The following ZNF654 variants were observed in gnomAD, a reference collection of about 807,000 sequenced individuals.
ZNF654 encodes melanoma-associated antigen.
Under a neutral mutation model 95.3 loss-of-function variants are expected in ZNF654, and 19 were observed. The ratio of observed to expected loss-of-function variants is 0.20; its 90% CI spans 0.14 to 0.29. The LOEUF is 0.29. Among genes scored for constraint, ZNF654 ranks in the 10% least tolerant of loss-of-function variants. ZNF654 has a pLI of 1.00. For synonymous variants in ZNF654, 413 were observed against 457.9 expected (o/e 0.90, Z 1.25); for missense variants, 1,046 against 1,341.0 (o/e 0.78, Z 3.44).
At chr3:88,132,229 T>A (rs1014307428) in intron 6 of ZNF654, among the ~76,000 whole-genome samples, 2 of 152,016 alleles carry the variant, frequency 1.3e-5, no homozygotes, top group African/African-American at 4.8e-5. Context: ...AATAAATGGG[T>A]CAAGTTTGAA....
Position 88,139,311 on chromosome 3 carries a change from A to G in ZNF654, c.1642A>G (p.Met548Val), listed in dbSNP as rs202216157. 5.0e-6 allele frequency: 8 copies of G among 1,595,872 alleles called. No individual in the cohort carries two copies. In the African/African-American group the frequency reaches 1.1e-4, roughly 22 times the overall value. The change falls in exon 8 of 9, where the codon ATG (methionine) becomes GTG (valine). Residue 548 changes from methionine (M) to valine (V), a missense_variant. Transcript: ENST00000636215. Reference protein sequence around the residue: ...VDHNVPRHRCMLCNKEFLGGH... With the variant: ...VDHNVPRHRCVLCNKEFLGGH... ...TCACAATGTCCCAAGGCATCGTTGT[A>G]TGTTATGTAACAAGGAATTTTTAGG...
chr3:88,104,070 G>A (rs1363252742), intron 2 of ZNF654, among the ~76,000 whole-genome samples: 2 of 151,802 alleles, frequency 1.3e-5, no homozygotes, highest in Non-Finnish European at 2.9e-5. Flanking sequence ...CTTTCAGTTC[G>A]AGAAAATATA....
chr3:88,126,257 T>G lies in ZNF654; in HGVS notation c.538T>G (p.Ser180Ala), dbSNP rs1436206422. The change falls in exon 4 of 9, where the codon TCT becomes GCT. Residue 180 changes from serine to alanine, a missense_variant. Physicochemically the swap from Ser to Ala is moderately conservative, Grantham distance 99. Transcript: ENST00000636215. ...AGCTGTCCTTAAAGCTCAGCCAGCA[T>G]CTCAGGAGATAGGTACTTCAGGAGA... ...LQAVLKAQPASQEIVNKYLSS... is the reference protein window; with the variant it reads ...LQAVLKAQPAAQEIVNKYLSS... 6.6e-7 allele frequency: 1 copy of G among 1,515,218 alleles called. No individual in the cohort carries two copies. 93.9% of individuals were successfully genotyped at this position (1,515,218 alleles called of 1,614,324 possible). A position where few individuals can be genotyped will look rare whatever the true frequency, so the allele number is the denominator to read the frequency against.
At chr3:88,124,841 C>T (rs1705992069) in intron 3 of ZNF654, among the ~76,000 whole-genome samples, 1 of 151,628 alleles carries the variant, frequency 6.6e-6, no homozygotes, top group Non-Finnish European at 1.5e-5. Context: ...TCTATTTATG[C>T]ATTTTTGAAA....
intron 1 of ZNF654, among the ~76,000 whole-genome samples, chr3:88,085,399 A>G (rs1221052447): frequency 6.6e-6 from 1 of 152,220 alleles, no homozygotes; most frequent in Non-Finnish European, 1.5e-5. Flanking sequence ...TTTGAATTTC[A>G]TGTAATTTTC....
rs56099925 is a variant in ZNF654 at position 88,141,994 on chromosome 3, A to T, written c.*342A>T. ...GCTATGGCCTTACAGAAAGGGAAAA[A>T]TTAACCCATTATTAAAAAGTGTGTG... On this transcript the variant is annotated 3_prime_UTR_variant, in exon 9 of 9. Transcript: ENST00000636215. The T allele has an allele frequency of 0.79, 153,994 of 195,298 alleles. 61,803 individuals are homozygous for T. The highest frequency in any genetic ancestry group is 0.9 in the South Asian group (5,080 of 5,650). The allele number at this position is 195,298 out of a possible 1,614,324, so 12.1% of individuals were successfully genotyped here.
chr3:88,074,716 A>G (rs1317050050), intron 1 of ZNF654, among the ~76,000 whole-genome samples: 1 of 152,184 alleles, frequency 6.6e-6, no homozygotes, highest in Non-Finnish European at 1.5e-5. Flanking sequence ...AATACCCATT[A>G]AATTTAGAAA....
At chr3:88,096,342 A>G (rs1704057710) in intron 2 of ZNF654, among the ~76,000 whole-genome samples, 1 of 152,112 alleles carries the variant, frequency 6.6e-6, no homozygotes, top group South Asian at 2.1e-4. Context: ...GAGATGGTTG[A>G]TGAGAGGAAG....
chr3:88,143,040 C>T lies in ZNF654; in HGVS notation c.*1388C>T, dbSNP rs572651785. On this transcript the variant is annotated 3_prime_UTR_variant, in exon 9 of 9. Transcript: ENST00000636215. ...AAAAAGGCAGTGTTTCAAAACAGAT[C>T]TCCTAATGTCCCAATGTCAAATATT... 1 of 152,216 alleles carries T rather than the reference C, an allele frequency of 6.6e-6. No homozygotes were observed. The highest frequency in any genetic ancestry group is 1.5e-5 in the Non-Finnish European group (1 of 67,786). The allele number at this position is 152,216 out of a possible 1,614,324, so 9.4% of individuals were successfully genotyped here.
chr3:88,122,724 G>A (rs1262172671), intron 3 of ZNF654, among the ~76,000 whole-genome samples: 1 of 152,014 alleles, frequency 6.6e-6, no homozygotes, highest in South Asian at 2.1e-4. Context: ...AATACAATAT[G>A]TATGGCTGGG....
intron 2 of ZNF654, among the ~76,000 whole-genome samples, chr3:88,088,479 GAAT>G (rs1372374319): frequency 6.6e-6 from 1 of 152,080 alleles, no homozygotes; most frequent in Non-Finnish European, 1.5e-5. Context: ...TGTGTGAAAG[GAAT>G]AATGAGATAT....
chr3:88,109,071 A>G (rs373532461), intron 2 of ZNF654, among the ~76,000 whole-genome samples: 2 of 151,432 alleles, frequency 1.3e-5, no homozygotes, highest in Non-Finnish European at 2.9e-5. Flanking sequence ...GTTAGGTGCT[A>G]TCCGTGGTTT....
intron 2 of ZNF654, among the ~76,000 whole-genome samples, chr3:88,087,581 A>G (rs1326186717): frequency 6.6e-6 from 1 of 152,212 alleles, no homozygotes; most frequent in Non-Finnish European, 1.5e-5. Context: ...GAAAGCAGAT[A>G]GAGGAATGGT....
intron 2 of ZNF654, among the ~76,000 whole-genome samples, chr3:88,103,511 C>G (rs1397477372): frequency 6.6e-6 from 1 of 151,966 alleles, no homozygotes; most frequent in African/African-American, 2.4e-5. Flanking sequence ...AACATGTCTA[C>G]TAGAATTTCA....
At chr3:88,067,373 C>G (rs1707257950) in intron 1 of ZNF654, among the ~76,000 whole-genome samples, 1 of 152,148 alleles carries the variant, frequency 6.6e-6, no homozygotes, top group South Asian at 2.1e-4. Context: ...GATAGCTGGA[C>G]TTAACAGAAG....
At chr3:88,067,947 C>A (rs1490133422) in intron 1 of ZNF654, among the ~76,000 whole-genome samples, 3 of 150,984 alleles carry the variant, frequency 2.0e-5, no homozygotes, top group African/African-American at 7.3e-5. Flanking sequence ...TGAGAATGAT[C>A]CATTTGAAAG....
At chr3:88,099,985 T>C (rs1047606515) in intron 2 of ZNF654, among the ~76,000 whole-genome samples, 1 of 152,042 alleles carries the variant, frequency 6.6e-6, no homozygotes, top group Non-Finnish European at 1.5e-5. Context: ...GGATCTAATT[T>C]AACTAAAGAG....
intron 1 of ZNF654, among the ~76,000 whole-genome samples, chr3:88,079,659 G>A (rs116836836): frequency 0.018 from 2,779 of 151,994 alleles, 40 homozygotes; most frequent in Non-Finnish European, 0.03. Flanking sequence ...TGGTAGGTTG[G>A]ACTAGATAAT....
intron 2 of ZNF654, among the ~76,000 whole-genome samples, chr3:88,109,365 A>G (rs1037889068): frequency 1.3e-5 from 2 of 152,128 alleles, no homozygotes; most frequent in African/African-American, 2.4e-5. Flanking sequence ...GTATATATAG[A>G]AAGAGTTCTT....
Sources: allele counts gnomAD v4.1 joint callset (sites outside exome capture counted in the v4.1 genomes callset), GRCh38; gene constraint gnomAD v4.1.1; transcripts MANE v1.5; gene names NCBI Gene and HGNC (gene_info 2026-07-23, HGNC 2026-07-21).